Variants in PKHD1 observed in about 807,000 individuals in gnomAD.
PKHD1 encodes PKHD1 ciliary IPT domain containing fibrocystin/polyductin, also known as fibrocystin.
Under a neutral mutation model 412.0 loss-of-function variants are expected in PKHD1, and 291 were observed. The ratio of observed to expected loss-of-function variants is 0.71; its 90% confidence interval spans 0.64 to 0.78. The LOEUF is 0.78. Ranked by LOEUF, PKHD1 falls within the 30% of genes least tolerant of loss-of-function variation. The pLI is 0.00. For synonymous variants in PKHD1, 1,777 were observed against 1,821.5 expected (o/e 0.98, Z 0.62); for missense variants, 4,825 against 4,950.7 (o/e 0.97, Z 0.76).
At chr6:51,896,273 C>T (rs1362673578) in intron 43 of PKHD1, among the ~76,000 whole-genome samples, 4 of 151,952 alleles carry the variant, frequency 2.6e-5, no homozygotes, top group African/African-American at 9.7e-5. Flanking sequence ...TGTCTGACAG[C>T]TTTGAAGAGA....
intron 60 of PKHD1, among the ~76,000 whole-genome samples, chr6:51,667,634 G>A (rs1774063683): frequency 6.6e-6 from 1 of 151,604 alleles, no homozygotes; most frequent in East Asian, 1.9e-4. Flanking sequence ...CCTATGTCCT[G>A]AATGGTAATG....
chr6:51,705,527 G>A (rs1448887762), intron 60 of PKHD1, among the ~76,000 whole-genome samples: 1 of 152,096 alleles, frequency 6.6e-6, no homozygotes, highest in African/African-American at 2.4e-5. Context: ...GACTGCACAA[G>A]TAGAGACCCT....
Position 51,934,331 on chromosome 6 carries a change from C to G in PKHD1, c.5909-9G>C, listed in dbSNP as rs1244562445. ...GAAAATCAGCTTGCCCCCTAATGGA[C>G]AAAGGGAAAATTGTCAGTCCCTGGG... On this transcript the variant is annotated splice_polypyrimidine_tract_variant and intron_variant, in intron 36 of 66. Transcript: ENST00000371117. 2 of 1,597,388 alleles carry G rather than the reference C, an allele frequency of 1.3e-6. No homozygotes were observed. The highest frequency in any genetic ancestry group is 1.7e-6 in the Non-Finnish European group (2 of 1,166,350).
intron 60 of PKHD1, among the ~76,000 whole-genome samples, chr6:51,684,546 G>A (rs765308928): frequency 2.2e-4 from 33 of 152,094 alleles, no homozygotes; most frequent in Non-Finnish European, 3.8e-4. Flanking sequence ...ACCATTTAAA[G>A]AGGCTCCAAG....
chr6:51,897,037 T>A (rs1238366752), intron 43 of PKHD1, among the ~76,000 whole-genome samples: 1 of 150,840 alleles, frequency 6.6e-6, no homozygotes, highest in African/African-American at 2.4e-5. Flanking sequence ...CTACGTCTGA[T>A]TGGTGTACCT....
chr6:52,007,935 G>T (rs1317441289), intron 35 of PKHD1, among the ~76,000 whole-genome samples: 2 of 152,148 alleles, frequency 1.3e-5, no homozygotes, highest in Admixed American at 1.3e-4. Flanking sequence ...GCAGCCATAA[G>T]TTCAGACTGA....
At chr6:51,882,454 A>G (rs889189734) in intron 46 of PKHD1, among the ~76,000 whole-genome samples, 5 of 152,360 alleles carry the variant, frequency 3.3e-5, no homozygotes, top group Admixed American at 6.5e-5. Context: ...TTAAATTTCA[A>G]TTGAACTAAG....
At chr6:51,655,520 TC>T (rs1771676367) in intron 61 of PKHD1, among the ~76,000 whole-genome samples, 1 of 152,114 alleles carries the variant, frequency 6.6e-6, no homozygotes, top group South Asian at 2.1e-4. Flanking sequence ...ATGCTCACCC[TC>T]ACAGTAACTG....
intron 52 of PKHD1, among the ~76,000 whole-genome samples, chr6:51,810,734 G>C (rs1582826392): frequency 6.6e-6 from 1 of 152,134 alleles, no homozygotes; most frequent in Non-Finnish European, 1.5e-5. Context: ...TAAAGACACA[G>C]AGTAGTATAG....
rs757256284 is a variant in PKHD1 at position 52,053,054 on chromosome 6, GGA to G, written c.2140+20_2140+21del. 51 of 1,611,320 alleles carry G rather than the reference GGA, an allele frequency of 3.2e-5. No homozygotes were observed. The highest frequency in any genetic ancestry group is 4.2e-5 in the Non-Finnish European group (49 of 1,178,122). ...GGTAGGCATGTGACCGGCTTGTGGA[GGA>G]GAGAGAATTTGATGATTACCTGTTA... On this transcript the variant is annotated intron_variant, in intron 21 of 66. Transcript: ENST00000371117.
chr6:51,712,101 A>G (rs1780728720), intron 60 of PKHD1, among the ~76,000 whole-genome samples: 1 of 152,192 alleles, frequency 6.6e-6, no homozygotes, highest in Non-Finnish European at 1.5e-5. Flanking sequence ...GAAAGGGCCT[A>G]TTGCTTCTGA....
intron 37 of PKHD1, among the ~76,000 whole-genome samples, chr6:51,932,673 G>T (rs2127762547): frequency 6.6e-6 from 1 of 152,278 alleles, no homozygotes; most frequent in South Asian, 2.1e-4. Context: ...AGGTAAAAAG[G>T]TCCCCTTGGA....
chr6:51,627,070 A>T lies in PKHD1; in HGVS notation c.11712T>A (p.Asn3904Lys). The T allele has an allele frequency of 4.3e-6, 7 of 1,610,012 alleles. No individual in the cohort carries two copies. The highest frequency in any genetic ancestry group is 6.0e-6 in the Non-Finnish European group (7 of 1,176,466). The change falls in exon 66 of 67, where the codon AAT becomes AAA. Residue 3904 changes from asparagine to lysine, a missense_variant. Asn to Lys is a moderately conservative substitution (Grantham distance 94, BLOSUM62 0). Coordinates refer to ENST00000371117, the MANE Select transcript of PKHD1 (RefSeq NM_138694.4). ...GTTTGGATGAGATGTGGATATGAATATTTTGATTATTAGTCTGGGATTCAG... is the reference window on the plus strand; with the variant it reads ...GTTTGGATGAGATGTGGATATGAATTTTTTGATTATTAGTCTGGGATTCAG... ...EIPESQTNNQ[N>K]IHIHISSKRR...
intron 29 of PKHD1, among the ~76,000 whole-genome samples, chr6:52,030,336 C>T (rs1802853577): frequency 1.3e-5 from 2 of 152,128 alleles, no homozygotes; most frequent in Non-Finnish European, 2.9e-5. Flanking sequence ...AAAGCCCATC[C>T]CATGTGGTTT....
At position 51,635,858 on chromosome 6, in the gene PKHD1, TG is replaced by T. The variant is rs1189431938; in HGVS notation, c.11506+2990del. Among the ~76,000 whole-genome samples, 16 of 16,446 alleles carry T rather than the reference TG, an allele frequency of 9.7e-4. 1 individual carries two copies. Among genetic ancestry groups the T allele is most frequent in the East Asian group, 2.1e-3 (1 of 470 alleles). 10.8% of individuals were successfully genotyped at this position (16,446 alleles called of 152,430 possible). A position where few individuals can be genotyped will look rare whatever the true frequency, so the allele number is the denominator to read the frequency against. ...TGGCTAACTGTATTTGTGGTGAAGG[TG>T]GGGGGGGGCGGGGGGCCGGGGGCGG... On this transcript the variant is annotated intron_variant, in intron 64 of 66. Transcript: ENST00000371117.
intron 62 of PKHD1, among the ~76,000 whole-genome samples, 169 bp downstream of exon 62, chr6:51,648,916 C>T (rs1770491974): frequency 6.6e-6 from 1 of 152,126 alleles, no homozygotes; most frequent in Non-Finnish European, 1.5e-5. Context: ...GGCAGGCAGG[C>T]TGTGAAGTGG....
chr6:51,925,061 G>A (rs1242468484), intron 37 of PKHD1, among the ~76,000 whole-genome samples: 3 of 152,198 alleles, frequency 2.0e-5, no homozygotes, highest in African/African-American at 7.2e-5. Context: ...GTAGAGATGG[G>A]ATTTGGACCA....
chr6:51,761,005 G>A (rs545252223), intron 55 of PKHD1, among the ~76,000 whole-genome samples: 45 of 152,174 alleles, frequency 3.0e-4, no homozygotes, highest in Admixed American at 1.6e-3. Flanking sequence ...TAGTACAACC[G>A]TTATAGAAAA....
At chr6:51,763,723 C>T (rs917591608) in intron 55 of PKHD1, among the ~76,000 whole-genome samples, 2 of 152,006 alleles carry the variant, frequency 1.3e-5, no homozygotes, top group African/African-American at 2.4e-5. Flanking sequence ...TTATCTCCTG[C>T]CTTTAAATCT....
Sources: allele counts gnomAD v4.1 joint callset (sites outside exome capture counted in the v4.1 genomes callset), GRCh38; gene constraint gnomAD v4.1.1; transcripts MANE v1.5; gene names NCBI Gene and HGNC (gene_info 2026-07-23, HGNC 2026-07-21).